Variants in TRAK1 observed in about 807,000 individuals in gnomAD.
TRAK1 encodes the protein trafficking kinesin protein 1.
A neutral mutation model predicts 92.1 loss-of-function variants in TRAK1; 33 were observed. That is an observed-to-expected ratio of 0.36 (90% CI 0.27 to 0.48). The LOEUF (loss-of-function observed/expected upper bound fraction) is 0.48, where lower values mean the gene tolerates loss of function less well. Among genes scored for constraint, TRAK1 ranks in the 20% least tolerant of loss-of-function variants. TRAK1 has a pLI of 0.99. For missense variants in TRAK1, 1,123 were observed against 1,257.9 expected, an observed-to-expected ratio of 0.89 and a Z score of 1.62; for synonymous variants, 521 against 517.3, an observed-to-expected ratio of 1.01 and a Z score of -0.10.
chr3:42,085,848 C>T (rs1054111775), upstream of TRAK1, among the ~76,000 whole-genome samples: 3 of 152,138 alleles, frequency 2.0e-5, no homozygotes, highest in Admixed American at 6.6e-5. Flanking sequence ...TAAAACCACA[C>T]GGATATGAAA....
intron 13 of TRAK1, chr3:42,203,886 C>T (rs1217233463): frequency 4.2e-6 from 4 of 947,456 alleles, no homozygotes; most frequent in Non-Finnish European, 5.0e-6. Context: ...TTATGTTTAC[C>T]TCAAAAGAAC....
chr3:42,220,690 T>A (rs1462743129), intron 15 of TRAK1: 1 of 790,496 alleles, frequency 1.3e-6, no homozygotes, highest in Non-Finnish European at 1.5e-6. Context: ...TAGGCTTGGA[T>A]GTGTCTCTGT....
At chr3:42,142,438 A>T (rs1220369353) in intron 2 of TRAK1, among the ~76,000 whole-genome samples, 1 of 152,184 alleles carries the variant, frequency 6.6e-6, no homozygotes, top group African/African-American at 2.4e-5. Context: ...CAGTGTGGGC[A>T]GTCAGCTCTC....
chr3:42,116,450 TTGTC>T (rs1311346555), intron 1 of TRAK1, among the ~76,000 whole-genome samples: 2 of 152,240 alleles, frequency 1.3e-5, no homozygotes, highest in African/African-American at 4.8e-5. Flanking sequence ...TTCTAGAAGG[TTGTC>T]TGTCAGATAC....
chr3:42,193,800 T>G, intron 8 of TRAK1, 24 bp from the exon 9 acceptor site: 1 of 1,242,266 alleles, frequency 8.0e-7, no homozygotes, highest in Non-Finnish European at 1.1e-6. Context: ...TCTTAGGAAG[T>G]GATCTATCTT....
chr3:42,086,906 T>C (rs1380871598), upstream of TRAK1, among the ~76,000 whole-genome samples: 1 of 152,194 alleles, frequency 6.6e-6, no homozygotes, highest in African/African-American at 2.4e-5. Context: ...TTGGTCAATA[T>C]TGATTAGTTG....
chr3:42,142,176 G>A (rs776606368), intron 2 of TRAK1, among the ~76,000 whole-genome samples: 1 of 152,076 alleles, frequency 6.6e-6, no homozygotes. Context: ...AATTACACCT[G>A]CAAAGACCTT....
At chr3:42,059,728 G>T (rs958291712) in intron 1 of TRAK1, among the ~76,000 whole-genome samples, 2 of 152,194 alleles carry the variant, frequency 1.3e-5, no homozygotes, top group African/African-American at 4.8e-5. Flanking sequence ...CTTCTACAGA[G>T]AGACAGCTAG....
At chr3:42,148,415 CT>C (rs1699583926) in intron 2 of TRAK1, among the ~76,000 whole-genome samples, 1 of 152,202 alleles carries the variant, frequency 6.6e-6, no homozygotes, top group South Asian at 2.1e-4. Context: ...TTATTATCCA[CT>C]ACCTTGTTTT....
At chr3:42,028,599 A>G (rs2148888910) in intron 1 of TRAK1, among the ~76,000 whole-genome samples, 1 of 152,336 alleles carries the variant, frequency 6.6e-6, no homozygotes, top group African/African-American at 2.4e-5. Flanking sequence ...CCATGGGAAC[A>G]TATGGAGGAA....
At chr3:42,025,585 G>T (rs1313299209) in intron 1 of TRAK1, among the ~76,000 whole-genome samples, 1 of 151,696 alleles carries the variant, frequency 6.6e-6, no homozygotes, top group African/African-American at 2.4e-5. Flanking sequence ...CTGTTCAAAG[G>T]ACTGCTGGAT....
In TRAK1 at chr3:42,194,408, T is replaced by G. The variant is rs555783092; in HGVS notation, c.976-396T>G. Among the ~76,000 whole-genome samples, 14 of 149,040 alleles carry G rather than the reference T, an allele frequency of 9.4e-5. No homozygotes were observed. The East Asian group carries it at 2.3e-3, about 25-fold the overall frequency. Reference sequence around the variant, plus strand: ...CTACCACACCCACCTAATTTTTGCTTTTTTTTTTTTGAAAGATGAGGTTTT... The same window carrying G: ...CTACCACACCCACCTAATTTTTGCTGTTTTTTTTTTGAAAGATGAGGTTTT... On this transcript the variant is annotated intron_variant, in intron 9 of 15. Transcript: ENST00000327628.
intron 1 of TRAK1, among the ~76,000 whole-genome samples, chr3:42,063,731 A>T (rs532329534): frequency 2.0e-5 from 3 of 151,128 alleles, no homozygotes; most frequent in Non-Finnish European, 4.4e-5. Context: ...TGAAAAAAGC[A>T]TATGTGCCGG....
chr3:42,055,654 G>A (rs2148919212), intron 1 of TRAK1, among the ~76,000 whole-genome samples: 1 of 152,270 alleles, frequency 6.6e-6, no homozygotes, highest in South Asian at 2.1e-4. Context: ...TGTAAAGATG[G>A]AGTCTCCTTA....
intron 1 of TRAK1, among the ~76,000 whole-genome samples, chr3:42,014,702 C>A (rs1232807372): frequency 6.6e-6 from 1 of 152,192 alleles, no homozygotes; most frequent in Non-Finnish European, 1.5e-5. Flanking sequence ...GGTGCCCCTT[C>A]CGCTTTAAGC....
rs529307637 is a variant in TRAK1, at chr3:42,190,093, T to G, written c.690+969T>G. Among the ~76,000 whole-genome samples the G allele has an allele frequency of 6.6e-5, 10 of 152,308 alleles. 1 individual carries two copies. The South Asian group carries it at 2.1e-3, about 32-fold the overall frequency. ...GCTAGGATTTGCAAGTCTGTGACTC[T>G]AAGCCCCTTGTTTTTCACCTTCACC... On this transcript the variant is annotated intron_variant, in intron 6 of 15. Coordinates refer to ENST00000327628, the MANE Select transcript of TRAK1 (RefSeq NM_001042646.3).
At chr3:42,035,949 G>C (rs778662908) in intron 1 of TRAK1, among the ~76,000 whole-genome samples, 1 of 152,226 alleles carries the variant, frequency 6.6e-6, no homozygotes, top group Non-Finnish European at 1.5e-5. Flanking sequence ...GCTTGTGCTG[G>C]CAGTCTAGGT....
chr3:42,166,699 C>T (rs573038965), intron 2 of TRAK1, among the ~76,000 whole-genome samples: 2 of 152,344 alleles, frequency 1.3e-5, no homozygotes, highest in African/African-American at 4.8e-5. Flanking sequence ...TGGTGTCCTG[C>T]TCTTAGCCTG....
chr3:42,016,015 C>T (rs1389897609), intron 1 of TRAK1, among the ~76,000 whole-genome samples: 1 of 151,876 alleles, frequency 6.6e-6, no homozygotes, highest in Non-Finnish European at 1.5e-5. Flanking sequence ...TCAGCCAGGG[C>T]GACAGAGCAA....
Sources: allele counts gnomAD v4.1 joint callset (sites outside exome capture counted in the v4.1 genomes callset), GRCh38; gene constraint gnomAD v4.1.1; transcripts MANE v1.5; gene names NCBI Gene and HGNC (gene_info 2026-07-23, HGNC 2026-07-21).